The following PTPRQ variants were observed in gnomAD, a reference collection of about 807,000 sequenced individuals.
PTPRQ encodes protein tyrosine phosphatase receptor type Q, also known as phosphatidylinositol phosphatase PTPRQ.
Under a neutral mutation model 246.0 loss-of-function variants are expected in PTPRQ, and 199 were observed. The observed-to-expected ratio is 0.81, with a 90% CI of 0.72 to 0.91. The LOEUF (loss-of-function observed/expected upper bound fraction) is 0.91. Among genes scored for constraint, PTPRQ ranks in the 40% least tolerant of loss-of-function variants. PTPRQ has a pLI of 0.00. For missense variants in PTPRQ, 2,624 were observed against 2,528.4 expected (o/e 1.04, Z -0.81); for synonymous variants, 869 against 853.2 (o/e 1.02, Z -0.32).
rs1007174934 is a variant in PTPRQ at position 80,468,810 on chromosome 12, T to C, written c.1011T>C (p.Ser337=). Residue 337 remains serine, a synonymous_variant, in exon 7 of 45, where the codon AGT becomes AGC. Coordinates refer to ENST00000644991, the MANE Select transcript of PTPRQ (RefSeq NM_001145026.2). The stretch of plus-strand genomic sequence containing the variant: ...CAACTATAGTAACAGGGAAATTTAG[T>C]TATAGAGTTGAATTATATGGACCAT... ...DPPTIVTGKF[S]YRVELYGPSG... The C allele has an allele frequency of 6.5e-6, 10 of 1,549,692 alleles. No homozygotes were observed. The highest frequency in any genetic ancestry group is 1.4e-5 in the African/African-American group (1 of 73,008).
chr12:80,585,386 A>G (rs1897578074), intron 25 of PTPRQ, among the ~76,000 whole-genome samples: 1 of 152,134 alleles, frequency 6.6e-6, no homozygotes, highest in Non-Finnish European at 1.5e-5. Flanking sequence ...CACTTCTGCC[A>G]CTACCACCTT....
Position 80,518,026 on chromosome 12 carries a change from A to G in PTPRQ, c.2678+7583A>G, listed in dbSNP as rs556727910. 2.6e-5 allele frequency among the ~76,000 whole-genome samples: 4 copies of G among 152,212 alleles called. No homozygotes were observed. In the South Asian group the frequency reaches 8.3e-4, roughly 32 times the overall value. ...CAGTAGGATTGCTAGATTTTACATT[A>G]GCTCTATTTTTAGTTTTTTGAGGAC... On this transcript the variant is annotated intron_variant, in intron 17 of 44. Coordinates refer to ENST00000644991, the MANE Select transcript of PTPRQ (RefSeq NM_001145026.2).
intron 25 of PTPRQ, chr12:80,561,669 A>T (rs1374399507): frequency 6.6e-6 from 1 of 151,904 alleles, no homozygotes; most frequent in East Asian, 1.9e-4. Flanking sequence ...ATACTCTTTG[A>T]GTTTGAGGAA....
At chr12:80,578,640 G>C (rs575439857) in intron 25 of PTPRQ, among the ~76,000 whole-genome samples, 1 of 152,024 alleles carries the variant, frequency 6.6e-6, no homozygotes, top group Non-Finnish European at 1.5e-5. Context: ...TGATCCGCCC[G>C]CCTTGGCCTC....
At chr12:80,513,142 G>GAT (rs1895174070) in intron 17 of PTPRQ, among the ~76,000 whole-genome samples, 1 of 152,132 alleles carries the variant, frequency 6.6e-6, no homozygotes, top group African/African-American at 2.4e-5. Flanking sequence ...TTATCGCAAG[G>GAT]ACAGAGGGCT....
intron 14 of PTPRQ, among the ~76,000 whole-genome samples, chr12:80,501,775 G>T (rs1894805940): frequency 1.3e-5 from 2 of 151,944 alleles, no homozygotes; most frequent in South Asian, 4.1e-4. Flanking sequence ...TTTTCAAGTA[G>T]AAGGAGTTTA....
At chr12:80,445,336 G>A (rs917185927) in intron 2 of PTPRQ, among the ~76,000 whole-genome samples, 155 bp from the exon 3 acceptor site, 48 of 151,800 alleles carry the variant, frequency 3.2e-4, no homozygotes, top group African/African-American at 1.1e-3. Flanking sequence ...ATTCCACATA[G>A]TATTTTTTTA....
chr12:80,499,158 GC>G (rs1267317436), intron 14 of PTPRQ, among the ~76,000 whole-genome samples: 2 of 151,892 alleles, frequency 1.3e-5, no homozygotes, highest in Non-Finnish European at 2.9e-5. Flanking sequence ...CCCATTACAG[GC>G]CTCACTTAAT....
chr12:80,663,714 T>C (rs1900701509), intron 39 of PTPRQ, among the ~76,000 whole-genome samples: 1 of 151,976 alleles, frequency 6.6e-6, no homozygotes, highest in South Asian at 2.1e-4. Flanking sequence ...ACCTCTTCTC[T>C]TGCAGTGACT....
At chr12:80,649,509 A>T in intron 36 of PTPRQ, 79 bp from the exon 37 acceptor site, 1 of 1,479,222 alleles carries the variant, frequency 6.8e-7, no homozygotes, top group African/African-American at 1.4e-5. Flanking sequence ...TAACTTGTTA[A>T]AAGTGAAGCC....
chr12:80,632,739 C>G (rs1899486593), intron 34 of PTPRQ, among the ~76,000 whole-genome samples: 1 of 152,132 alleles, frequency 6.6e-6, no homozygotes, highest in Admixed American at 6.5e-5. Context: ...TATCACCAAA[C>G]AGTGAGCAAA....
intron 27 of PTPRQ, among the ~76,000 whole-genome samples, chr12:80,606,605 T>C (rs1164222060): frequency 1.3e-5 from 2 of 151,046 alleles, no homozygotes; most frequent in African/African-American, 2.4e-5. Flanking sequence ...TTGTATAGCA[T>C]AGTGATTTCT....
intron 25 of PTPRQ, among the ~76,000 whole-genome samples, chr12:80,560,196 G>A (rs553557801): frequency 1.3e-5 from 2 of 152,298 alleles, no homozygotes; most frequent in East Asian, 3.9e-4. Flanking sequence ...CTCCAGGAGA[G>A]ACCTTTATCC....
intron 17 of PTPRQ, among the ~76,000 whole-genome samples, chr12:80,518,910 C>A (rs554012173): frequency 6.6e-6 from 1 of 151,966 alleles, no homozygotes; most frequent in Non-Finnish European, 1.5e-5. Context: ...TCAGATAATG[C>A]GATTCCTCCA....
intron 24 of PTPRQ, among the ~76,000 whole-genome samples, chr12:80,547,462 T>G (rs547280866): frequency 1.3e-5 from 2 of 152,290 alleles, no homozygotes; most frequent in Admixed American, 1.3e-4. Context: ...CTTCCTGGTA[T>G]GTTAGTGAAT....
intron 9 of PTPRQ, 54 bp downstream of exon 9, chr12:80,484,659 C>G: frequency 1.3e-6 from 2 of 1,525,324 alleles, no homozygotes; most frequent in Non-Finnish European, 1.8e-6. Context: ...GGTTCTGGCT[C>G]TGATAGCTTG....
At chr12:80,608,218 A>C (rs1375001023) in intron 27 of PTPRQ, among the ~76,000 whole-genome samples, 1 of 150,654 alleles carries the variant, frequency 6.6e-6, no homozygotes, top group African/African-American at 2.4e-5. Flanking sequence ...ATAAAGTAAC[A>C]CTTCAAAAAT....
rs927078398 is a variant in PTPRQ, at chr12:80,582,885, CA to C, written c.4286-5236del. On this transcript the variant is annotated intron_variant, in intron 25 of 44. Transcript: ENST00000644991. ...AACAAAAACAAAAACAAAAACAAAA[CA>C]AAAAAAACTTTTCAAGTATATCACT... Among the ~76,000 whole-genome samples, 20 of 151,914 alleles carry C rather than the reference CA, an allele frequency of 1.3e-4. 1 individual carries two copies. The Middle Eastern group carries it at 0.01, about 78-fold the overall frequency.
intron 43 of PTPRQ, among the ~76,000 whole-genome samples, chr12:80,676,842 G>C (rs958511417): frequency 1.3e-5 from 2 of 152,114 alleles, no homozygotes; most frequent in Non-Finnish European, 2.9e-5. Flanking sequence ...CCAGTTTTTT[G>C]TCGGGCATTT....
Sources: gnomAD v4.1 joint callset for allele counts (sites outside exome capture counted in the v4.1 genomes callset) on GRCh38, gnomAD v4.1.1 for gene constraint, MANE v1.5 for transcripts, NCBI Gene and HGNC (gene_info 2026-07-23, HGNC 2026-07-21) for gene names.